Variants in SLC22A11 observed in about 807,000 individuals in gnomAD.
SLC22A11 encodes solute carrier family 22 member 11, also known as organic anion transporter 4.
SLC22A11 carries 42 observed loss-of-function variants against 49.4 expected under a neutral mutation model. The observed-to-expected ratio is 0.85, with a 90% CI of 0.66 to 1.10. SLC22A11 has a LOEUF of 1.10. Ranked by LOEUF, SLC22A11 falls within the 50% of genes least tolerant of loss-of-function variation. The probability of loss-of-function intolerance (pLI) is 0.00; values close to 1 mark genes in which losing one functional copy is unlikely to be tolerated. For synonymous variants in SLC22A11, 304 were observed against 315.8 expected, an observed-to-expected ratio of 0.96 and a Z score of 0.40; for missense variants, 685 against 731.6, an observed-to-expected ratio of 0.94 and a Z score of 0.74.
chr11:64,566,928 G>A (rs1171780353), intron 6 of SLC22A11, among the ~76,000 whole-genome samples: 2 of 152,138 alleles, frequency 1.3e-5, no homozygotes, highest in African/African-American at 2.4e-5. Flanking sequence ...TCAGCTACTC[G>A]TGAGCCAGTG....
intron 1 of SLC22A11, among the ~76,000 whole-genome samples, chr11:64,558,120 A>C (rs1445102156): frequency 6.6e-6 from 1 of 152,072 alleles, no homozygotes; most frequent in Admixed American, 6.5e-5. Context: ...TTTTTAGTAG[A>C]TATGAGGTCT....
At position 64,568,684 on chromosome 11, in the gene SLC22A11, C is replaced by T; in HGVS notation, c.1288C>T (p.Arg430Cys). 1 of 1,614,084 alleles carries T rather than the reference C, an allele frequency of 6.2e-7. No individual in the cohort carries two copies. ...MLVPQDLQTL[R>C]VVFAVLGKGC... ...CCTGTACCCAGATTTGCAGACCCTGCGTGTGGTCTTTGCTGTGCTGGGAAA... is the reference window on the plus strand; with the variant it reads ...CCTGTACCCAGATTTGCAGACCCTGTGTGTGGTCTTTGCTGTGCTGGGAAA... The change falls in exon 8 of 10, where the codon CGT becomes TGT. Residue 430 changes from arginine to cysteine, a missense_variant. By Grantham distance (180) the Arg-to-Cys change is radical (BLOSUM62 -3). Coordinates refer to ENST00000301891, the MANE Select transcript of SLC22A11 (RefSeq NM_018484.4).
Position 64,556,372 on chromosome 11 carries a change from AC to A in SLC22A11, c.375del (p.Ser126ProfsTer16). On this transcript the variant is annotated frameshift_variant, in exon 1 of 10. Coordinates refer to ENST00000301891, the MANE Select transcript of SLC22A11 (RefSeq NM_018484.4). LOFTEE classifies it high-confidence loss of function. The part of the protein sequence containing the change: ...DGWVYDRSVF[T>X]STIVAKWDLV... Reference sequence around the variant, plus strand: ...CTGGGTCTATGACCGCAGCGTCTTCACCTCCACCATCGTGGCCAAGGTAGGG... The same window carrying A: ...CTGGGTCTATGACCGCAGCGTCTTCACTCCACCATCGTGGCCAAGGTAGGG... The A allele has an allele frequency of 1.2e-6, 2 of 1,611,396 alleles. No homozygotes were observed. Among genetic ancestry groups the A allele is most frequent in the Non-Finnish European group, 8.5e-7 (1 of 1,179,930 alleles).
rs866552261 is a variant in SLC22A11 at position 64,565,426 on chromosome 11, A to G, written c.1058+89A>G. ...AGGCAGGAGGCAGAGCGTCCAGGGG[A>G]AACAGCACCCGCAGGCCTCAAGGGG... On this transcript the variant is annotated intron_variant, in intron 6 of 9. Coordinates refer to ENST00000301891, the MANE Select transcript of SLC22A11 (RefSeq NM_018484.4). This position sits in a 1 kb window ranked among gnomAD's most constrained non-coding sequence, Gnocchi z 4.1. The G allele has an allele frequency of 9.2e-7, 1 of 1,089,510 alleles. No individual in the cohort carries two copies. The highest frequency in any genetic ancestry group is 1.4e-6 in the Non-Finnish European group (1 of 739,806). 67.5% of individuals were successfully genotyped at this position (1,089,510 alleles called of 1,614,324 possible).
In SLC22A11 at chr11:64,565,285, C is replaced by G. The variant is rs1267837660; in HGVS notation, c.1006C>G (p.Leu336Val). Residue 336 changes from leucine to valine, a missense_variant, in exon 6 of 10, where the codon CTG becomes GTG. By Grantham distance (32) the Leu-to-Val change is conservative. Coordinates refer to ENST00000301891, the MANE Select transcript of SLC22A11 (RefSeq NM_018484.4). The surrounding 1 kb of genome is among the most constrained non-coding windows in gnomAD (Gnocchi z 4.1). The stretch of plus-strand genomic sequence containing the variant: ...AAAGGAGCCGCGGTCGGTGCTGGAC[C>G]TGTTCTGCGTGCCCGTGCTCCGCTG... Reference protein sequence around the residue: ...SAKEPRSVLDLFCVPVLRWRS... With the variant: ...SAKEPRSVLDVFCVPVLRWRS... The G allele has an allele frequency of 2.6e-6, 4 of 1,551,320 alleles. No homozygotes were observed. The African/African-American group carries it at 5.5e-5, about 21-fold the overall frequency.
At chr11:64,570,746 G>A (rs533046011) in intron 9 of SLC22A11, among the ~76,000 whole-genome samples, 1 of 152,266 alleles carries the variant, frequency 6.6e-6, no homozygotes, top group South Asian at 2.1e-4. Context: ...ACTTGCCTAA[G>A]GACACCTGCA....
chr11:64,570,325 C>T (rs2038687001), intron 9 of SLC22A11, among the ~76,000 whole-genome samples: 1 of 152,262 alleles, frequency 6.6e-6, no homozygotes, highest in Non-Finnish European at 1.5e-5. Flanking sequence ...TGCCATCTCA[C>T]ACCCATTCTT....
At position 64,559,176 on chromosome 11, in the gene SLC22A11, C is replaced by CCAGT. The variant is rs771431658; in HGVS notation, c.437_440dup (p.Ile148ValfsTer140). 1 of 1,613,488 alleles carries CCAGT rather than the reference C, an allele frequency of 6.2e-7. No individual in the cohort carries two copies. Among genetic ancestry groups the CCAGT allele is most frequent in the South Asian group, 1.1e-5 (1 of 91,052 alleles). On this transcript the variant is annotated frameshift_variant, in exon 2 of 10. Transcript: ENST00000301891. LOFTEE classifies it high-confidence loss of function. ...GCTCCCAGGGCTTGAAGCCCCTAAG[C>CCAGT]CAGTCCATCTTCATGTCCGGGATCC...
chr11:64,559,063 G>A, intron 1 of SLC22A11, 72 bp from the exon 2 acceptor site: 2 of 1,324,004 alleles, frequency 1.5e-6, no homozygotes, highest in Non-Finnish European at 2.2e-6. Context: ...TGTGGGTCAG[G>A]CGTTCCTCGG....
At chr11:64,569,630 G>T in intron 8 of SLC22A11, 22 bp from the exon 9 acceptor site, 1 of 1,607,458 alleles carries the variant, frequency 6.2e-7, no homozygotes, top group African/African-American at 1.3e-5. Context: ...ACAGGGATCT[G>T]GGCCCTCCCC....
In SLC22A11 at chr11:64,568,796, C is replaced by T; in HGVS notation, c.1382+18C>T. 6.2e-7 allele frequency: 1 copy of T among 1,604,516 alleles called. No homozygotes were observed. The highest frequency in any genetic ancestry group is 8.5e-7 in the Non-Finnish European group (1 of 1,171,532). On this transcript the variant is annotated intron_variant, in intron 8 of 9. Transcript: ENST00000301891. ...CCAGTGCGGTAAGCTGGGCTGCAGG[C>T]CATGCCCCAGGGCCAGCAGGGCCGT...
chr11:64,565,216 C>A lies in SLC22A11; in HGVS notation c.943-6C>A. 6.5e-7 allele frequency: 1 copy of A among 1,527,544 alleles called. No individual in the cohort carries two copies. Among genetic ancestry groups the A allele is most frequent in the Non-Finnish European group, 8.8e-7 (1 of 1,132,386 alleles). 94.6% of individuals were successfully genotyped at this position (1,527,544 alleles called of 1,614,324 possible). On this transcript the variant is annotated splice_polypyrimidine_tract_variant and splice_region_variant and intron_variant, in intron 5 of 9. Transcript: ENST00000301891. This position sits in a 1 kb window ranked among gnomAD's most constrained non-coding sequence, Gnocchi z 4.1. The stretch of plus-strand genomic sequence containing the variant: ...CCATTCACGGTGCCCCCATTCTCCC[C>A]GGAAGGTGCTGATGTCCAGCGTGAA...
In SLC22A11 at chr11:64,569,541, G is replaced by A. The variant is rs2038674639; in HGVS notation, c.1383-111G>A. On this transcript the variant is annotated intron_variant, in intron 8 of 9. Coordinates refer to ENST00000301891, the MANE Select transcript of SLC22A11 (RefSeq NM_018484.4). Reference sequence around the variant, plus strand: ...GTGGCATTAGAGGAGGCCTTGAGGAGGGCAATTCCCTCAGCCCAGCTTTCC... The same window carrying A: ...GTGGCATTAGAGGAGGCCTTGAGGAAGGCAATTCCCTCAGCCCAGCTTTCC... 9 of 1,159,334 alleles carry A rather than the reference G, an allele frequency of 7.8e-6. No homozygotes were observed. In the Admixed American group the frequency reaches 1.4e-4, roughly 18 times the overall value. 71.8% of individuals were successfully genotyped at this position (1,159,334 alleles called of 1,614,324 possible).
rs776464396 is a variant in SLC22A11, at chr11:64,564,469, C to T, written c.942+41C>T. On this transcript the variant is annotated intron_variant, in intron 5 of 9. Transcript: ENST00000301891. The surrounding 1 kb of genome is among the most constrained non-coding windows in gnomAD (Gnocchi z 4.2). ...CTGCGAGACTTGACCTGGGACAGGA[C>T]GTGCACTGAGGGATCATCCGTGTGG... 12 of 1,607,914 alleles carry T rather than the reference C, an allele frequency of 7.5e-6. No homozygotes were observed. Among genetic ancestry groups the T allele is most frequent in the African/African-American group, 4.0e-5 (3 of 74,906 alleles).
chr11:64,568,556 G>A, intron 7 of SLC22A11, 114 bp from the exon 8 acceptor site: 1 of 818,802 alleles, frequency 1.2e-6, no homozygotes. Flanking sequence ...AGCAGGGCCG[G>A]GGACTTGTAG....
intron 1 of SLC22A11, among the ~76,000 whole-genome samples, chr11:64,558,648 A>G (rs2038497519): frequency 6.6e-6 from 1 of 152,132 alleles, no homozygotes; most frequent in Non-Finnish European, 1.5e-5. Flanking sequence ...TGCCACGTCC[A>G]CCTGGCCAGC....
At chr11:64,560,189 C>T (rs1463722146) in intron 2 of SLC22A11, among the ~76,000 whole-genome samples, 13 of 152,022 alleles carry the variant, frequency 8.6e-5, no homozygotes, top group Admixed American at 3.3e-4. Context: ...GGCTCTTCCT[C>T]CAGGACACAC....
At chr11:64,559,325 A>C in intron 2 of SLC22A11, 87 bp downstream of exon 2, 1 of 998,098 alleles carries the variant, frequency 1.0e-6, no homozygotes, top group South Asian at 1.8e-5. Context: ...TGTCAGGCAA[A>C]CACCCCATCC....
At chr11:64,557,827 T>C (rs1250107715) in intron 1 of SLC22A11, among the ~76,000 whole-genome samples, 1 of 147,678 alleles carries the variant, frequency 6.8e-6, no homozygotes, top group Non-Finnish European at 1.5e-5. Context: ...AGACTGAGTC[T>C]CGCTCTGTTG....
Sources: allele counts gnomAD v4.1 joint callset (sites outside exome capture counted in the v4.1 genomes callset), GRCh38; gene constraint gnomAD v4.1.1; non-coding constraint Gnocchi (gnomAD v3.1); transcripts MANE v1.5; gene names NCBI Gene and HGNC (gene_info 2026-07-23, HGNC 2026-07-21).